Variants in CYP2R1 observed in about 807,000 individuals in gnomAD.
The protein encoded by CYP2R1 is vitamin D 25-hydroxylase.
CYP2R1 carries 40 observed loss-of-function variants against 45.7 expected under a neutral mutation model. The ratio of observed to expected loss-of-function variants is 0.87; its 90% confidence interval spans 0.68 to 1.14. The LOEUF (loss-of-function observed/expected upper bound fraction) is 1.14, where lower values mean the gene tolerates loss of function less well. Ranked by LOEUF, CYP2R1 falls within the 50% of genes most tolerant of loss-of-function variation. The pLI, the probability that CYP2R1 is intolerant of heterozygous loss-of-function variation, is 0.00. For missense variants in CYP2R1, 605 were observed against 602.6 expected, an observed-to-expected ratio of 1.00 and a Z score of -0.04; for synonymous variants, 234 against 219.3, an observed-to-expected ratio of 1.07 and a Z score of -0.59.
intron 2 of CYP2R1, 127 bp from the exon 3 acceptor site, chr11:14,880,895 G>C: frequency 1.2e-6 from 1 of 858,452 alleles, no homozygotes; most frequent in Non-Finnish European, 1.8e-6. Flanking sequence ...ATAACTACAT[G>C]GTTGGGTCCT....
chr11:14,878,340 TC>T, intron 4 of CYP2R1, 43 bp from the exon 5 acceptor site: 2 of 1,581,984 alleles, frequency 1.3e-6, no homozygotes, highest in Non-Finnish European at 8.7e-7. Context: ...AAACCCACAA[TC>T]TTTACCAAAA....
intron 1 of CYP2R1, chr11:14,891,125 TGCCCCCTCC>T (rs1848836742): frequency 1.0e-6 from 1 of 985,472 alleles, no homozygotes; most frequent in Non-Finnish European, 1.2e-6. Context: ...TGGAAACTCC[TGCCCCCTCC>T]GGACGTCGGG....
chr11:14,885,986 A>T (rs1470846431), intron 1 of CYP2R1, 69 bp from the exon 2 acceptor site: 2 of 1,492,468 alleles, frequency 1.3e-6, no homozygotes, highest in Non-Finnish European at 1.9e-6. Flanking sequence ...ATGGAAATCT[A>T]CAAGTGGTAA....
chr11:14,883,299 C>G (rs61877648), intron 2 of CYP2R1, among the ~76,000 whole-genome samples: 19 of 151,820 alleles, frequency 1.3e-4, no homozygotes, highest in Non-Finnish European at 7.4e-5. Flanking sequence ...CAAGGCTACA[C>G]TAACCAAAAC....
intron 1 of CYP2R1, chr11:14,891,522 CGAA>C (rs782341951): frequency 3.8e-5 from 38 of 996,546 alleles, no homozygotes; most frequent in Non-Finnish European, 4.1e-5. Context: ...CTGCAGACAC[CGAA>C]GAACCTGCTA....
Position 14,878,054 on chromosome 11 carries a change from T to C in CYP2R1, c.*68A>G. ...ACTTTTATTCTAATACACACATTGA[T>C]TTGATTAAACCAAGTTCAGGGATAA... On this transcript the variant is annotated 3_prime_UTR_variant, in exon 5 of 5. Coordinates refer to ENST00000334636, the MANE Select transcript of CYP2R1 (RefSeq NM_024514.5). 1.9e-6 allele frequency: 3 copies of C among 1,544,496 alleles called. No homozygotes were observed. The highest frequency in any genetic ancestry group is 2.7e-6 in the Non-Finnish European group (3 of 1,127,144).
chr11:14,888,089 T>A (rs1052873691), intron 1 of CYP2R1, among the ~76,000 whole-genome samples: 1 of 152,228 alleles, frequency 6.6e-6, no homozygotes, highest in Non-Finnish European at 1.5e-5. Flanking sequence ...TCAGATGCTA[T>A]CTTTGTGGTG....
intron 2 of CYP2R1, among the ~76,000 whole-genome samples, chr11:14,882,207 AAAG>A (rs1848414647): frequency 6.6e-6 from 1 of 152,172 alleles, no homozygotes; most frequent in African/African-American, 2.4e-5. Flanking sequence ...TCAGGGAACA[AAAG>A]AAGCAAAGGT....
rs782117565 is a variant in CYP2R1 at position 14,892,010 on chromosome 11, T to G, written c.196A>C (p.Met66Leu). ...AASSELPHVY[M>L]RKQSQVYGEI... ...CCGTACACCTGGCTCTGCTTTCTCATGTAGACATGGGGAAGCTCGGATGAG... is the reference window on the plus strand; with the variant it reads ...CCGTACACCTGGCTCTGCTTTCTCAGGTAGACATGGGGAAGCTCGGATGAG... The change falls in exon 1 of 5, where the codon ATG becomes CTG. Residue 66 changes from methionine to leucine, a missense_variant. Coordinates refer to ENST00000334636, the MANE Select transcript of CYP2R1 (RefSeq NM_024514.5). The G allele has an allele frequency of 3.1e-6, 5 of 1,613,436 alleles. No homozygotes were observed. The highest frequency in any genetic ancestry group is 3.3e-5 in the Admixed American group (2 of 60,016).
intron 3 of CYP2R1, 146 bp from the exon 4 acceptor site, chr11:14,879,589 G>A (rs1488077819): frequency 4.8e-6 from 3 of 626,396 alleles, no homozygotes; most frequent in South Asian, 1.9e-5. Flanking sequence ...TTATCTGGGC[G>A]TTCTATTGAA....
Sources: gnomAD v4.1 joint callset for allele counts (sites outside exome capture counted in the v4.1 genomes callset) on GRCh38, gnomAD v4.1.1 for gene constraint, MANE v1.5 for transcripts, NCBI Gene and HGNC (gene_info 2026-07-23, HGNC 2026-07-21) for gene names.